FER: variants seen among roughly 807,000 people sequenced by gnomAD.
FER encodes tyrosine-protein kinase Fer.
FER carries 63 observed loss-of-function variants against 111.0 expected under a neutral mutation model. That is an observed-to-expected ratio of 0.57 (90% CI 0.46 to 0.70). FER has a LOEUF of 0.70. FER is among the 30% of genes least tolerant of loss of function. The pLI is 0.00. For synonymous variants in FER, 327 were observed against 313.9 expected, an observed-to-expected ratio of 1.04 and a Z score of -0.44; for missense variants, 914 against 954.0, an observed-to-expected ratio of 0.96 and a Z score of 0.55.
At chr5:108,754,122 A>C (rs1297514708) in intron 1 of FER, among the ~76,000 whole-genome samples, 1 of 152,154 alleles carries the variant, frequency 6.6e-6, no homozygotes, top group Non-Finnish European at 1.5e-5. Flanking sequence ...AGTCATTAAA[A>C]AATGTGGGCT....
chr5:109,010,399 C>A (rs980102334), intron 13 of FER, among the ~76,000 whole-genome samples: 1 of 151,980 alleles, frequency 6.6e-6, no homozygotes, highest in Non-Finnish European at 1.5e-5. Flanking sequence ...CCTCGTGATC[C>A]GCCCGCCTCG....
intron 2 of FER, among the ~76,000 whole-genome samples, chr5:108,797,093 C>T (rs530861905): frequency 4.6e-5 from 7 of 151,912 alleles, no homozygotes; most frequent in African/African-American, 1.7e-4. Context: ...GGTGATGAAG[C>T]CTGCCGGGAC....
intron 10 of FER, among the ~76,000 whole-genome samples, chr5:108,941,479 CA>C (rs1470273302): frequency 6.6e-6 from 1 of 152,096 alleles, no homozygotes; most frequent in Non-Finnish European, 1.5e-5. Flanking sequence ...ATAGCCGTTA[CA>C]AAAATGCTTA....
chr5:108,924,842 C>CT, intron 10 of FER: 1 of 1,195,204 alleles, frequency 8.4e-7, no homozygotes, highest in Non-Finnish European at 1.0e-6. Flanking sequence ...CAGACATTAT[C>CT]TAAGAGTCCA....
chr5:108,865,812 G>T (rs991376346), intron 5 of FER, among the ~76,000 whole-genome samples: 96 of 152,278 alleles, frequency 6.3e-4, no homozygotes, highest in Non-Finnish European at 1.2e-3. Context: ...AGACATTTAT[G>T]CAGCCAAAAG....
intron 17 of FER, among the ~76,000 whole-genome samples, chr5:109,110,155 C>A (rs931777165): frequency 2.0e-5 from 3 of 152,118 alleles, no homozygotes; most frequent in African/African-American, 7.2e-5. Context: ...CTTCAAGATT[C>A]TCTGGCTACA....
chr5:108,891,889 C>T (rs1748127893), intron 9 of FER, among the ~76,000 whole-genome samples: 1 of 152,152 alleles, frequency 6.6e-6, no homozygotes, highest in East Asian at 1.9e-4. Flanking sequence ...TGTTCAATTC[C>T]CACCTATGAG....
Position 108,924,808 on chromosome 5 carries a change from A to C in FER, c.1237-21322A>C, listed in dbSNP as rs1327732804. ...AGATCAGGTAAGGAGAAGTTCTGCC[A>C]CAGGCCTACTTTACCCAGGGCCCCA... is the stretch of plus-strand genomic sequence containing the variant. On this transcript the variant is annotated intron_variant, in intron 10 of 19. Transcript: ENST00000281092. The C allele has an allele frequency of 2.4e-6, 3 of 1,231,478 alleles. No individual in the cohort carries two copies. The African/African-American group carries it at 4.7e-5, about 19-fold the overall frequency. 76.3% of individuals were successfully genotyped at this position (1,231,478 alleles called of 1,614,324 possible).
At chr5:109,036,790 C>G (rs1229463487) in intron 13 of FER, among the ~76,000 whole-genome samples, 2 of 151,858 alleles carry the variant, frequency 1.3e-5, no homozygotes, top group Non-Finnish European at 2.9e-5. Context: ...AAAATATCCT[C>G]TAGTAATCAG....
intron 2 of FER, among the ~76,000 whole-genome samples, chr5:108,789,405 C>G (rs1219074962): frequency 1.3e-5 from 2 of 151,582 alleles, no homozygotes; most frequent in African/African-American, 4.8e-5. Flanking sequence ...TTATACATCT[C>G]TATTTCCTGA....
chr5:108,977,188 G>A lies in FER; in HGVS notation c.1656+17841G>A, dbSNP rs543726399. On this transcript the variant is annotated intron_variant, in intron 13 of 19. Transcript: ENST00000281092. Reference sequence around the variant, plus strand: ...TATGTACTACAGTTAATTTTATGCAGTTGTGATTTAATACTGCATTTTTAT... The same window carrying A: ...TATGTACTACAGTTAATTTTATGCAATTGTGATTTAATACTGCATTTTTAT... Among the ~76,000 whole-genome samples the A allele has an allele frequency of 5.9e-5, 9 of 152,256 alleles. No individual in the cohort carries two copies. In the South Asian group the frequency reaches 1.7e-3, roughly 28 times the overall value.
chr5:108,911,935 G>T (rs1751606788), intron 10 of FER, among the ~76,000 whole-genome samples: 1 of 152,110 alleles, frequency 6.6e-6, no homozygotes, highest in African/African-American at 2.4e-5. Flanking sequence ...GTTGTGGCAG[G>T]TACCTGGTTG....
intron 13 of FER, among the ~76,000 whole-genome samples, chr5:109,016,931 C>A (rs1162938787): frequency 1.3e-5 from 2 of 152,056 alleles, no homozygotes; most frequent in African/African-American, 2.4e-5. Context: ...AGAGACCTAT[C>A]TCTACCTGTG....
chr5:108,981,514 A>T (rs189745982), intron 13 of FER, among the ~76,000 whole-genome samples: 2 of 152,116 alleles, frequency 1.3e-5, no homozygotes, highest in Non-Finnish European at 2.9e-5. Flanking sequence ...GGTAAACAAT[A>T]AAAGTGTAAA....
chr5:109,015,419 G>T (rs956483248), intron 13 of FER, among the ~76,000 whole-genome samples: 3 of 151,906 alleles, frequency 2.0e-5, no homozygotes, highest in Non-Finnish European at 2.9e-5. Context: ...TTAAGTAGTA[G>T]TTGGAGGGAG....
intron 10 of FER, among the ~76,000 whole-genome samples, chr5:108,912,581 C>T (rs768478159): frequency 2.2e-4 from 33 of 152,038 alleles, no homozygotes; most frequent in Non-Finnish European, 4.1e-4. Flanking sequence ...AGGCTGGTTT[C>T]GAACTCTGAC....
At chr5:109,068,258 A>ACTGCATC in intron 16 of FER, among the ~76,000 whole-genome samples, 1 of 151,182 alleles carries the variant, frequency 6.6e-6, no homozygotes, top group South Asian at 2.1e-4. Context: ...GAGTCCGCTC[A>ACTGCATC]CTGCACCCTC....
chr5:108,920,766 C>T (rs902707931), intron 10 of FER, among the ~76,000 whole-genome samples: 1 of 152,158 alleles, frequency 6.6e-6, no homozygotes, highest in South Asian at 2.1e-4. Context: ...TGTATAATAA[C>T]TTGAGTTATC....
At chr5:109,144,184 C>G (rs1287983443) in intron 17 of FER, among the ~76,000 whole-genome samples, 1 of 152,036 alleles carries the variant, frequency 6.6e-6, no homozygotes, top group Non-Finnish European at 1.5e-5. Flanking sequence ...CTCATTTTAT[C>G]CTTCATATTC....
Sources: gnomAD v4.1 joint callset for allele counts (sites outside exome capture counted in the v4.1 genomes callset) on GRCh38, gnomAD v4.1.1 for gene constraint, MANE v1.5 for transcripts, NCBI Gene and HGNC (gene_info 2026-07-23, HGNC 2026-07-21) for gene names.